The following GTF2F2 variants were observed in gnomAD, a reference collection of about 807,000 sequenced individuals.
The protein encoded by GTF2F2 is general transcription factor IIF subunit 2, also known as ATP-dependent helicase GTF2F2.
Under a neutral mutation model 42.2 loss-of-function variants are expected in GTF2F2, and 23 were observed. The ratio of observed to expected loss-of-function variants is 0.55; its 90% CI spans 0.39 to 0.77. The LOEUF is 0.77. Among genes scored for constraint, GTF2F2 ranks in the 30% least tolerant of loss-of-function variants. The probability of loss-of-function intolerance (pLI) is 0.00; values close to 1 mark genes in which losing one functional copy is unlikely to be tolerated. For missense variants in GTF2F2, 261 were observed against 287.2 expected, an observed-to-expected ratio of 0.91 and a Z score of 0.66; for synonymous variants, 105 against 100.8, an observed-to-expected ratio of 1.04 and a Z score of -0.25.
At chr13:45,273,607 A>G (rs561453703) in intron 7 of GTF2F2, among the ~76,000 whole-genome samples, 2 of 151,348 alleles carry the variant, frequency 1.3e-5, no homozygotes, top group South Asian at 4.2e-4. Flanking sequence ...TACCAATAAA[A>G]TCTCCATACC....
chr13:45,247,488 C>T (rs1206829045), intron 5 of GTF2F2, among the ~76,000 whole-genome samples: 3 of 151,544 alleles, frequency 2.0e-5, no homozygotes, highest in Admixed American at 6.6e-5. Flanking sequence ...CGCCTCCTGG[C>T]TTCAAGCAAT....
At chr13:45,191,255 A>ATATATATATATATATGGC (rs1260872563) in intron 4 of GTF2F2, among the ~76,000 whole-genome samples, 18 of 136,522 alleles carry the variant, frequency 1.3e-4, no homozygotes, top group Middle Eastern at 3.6e-3. Flanking sequence ...ATATATATAT[A>ATATATATATATATATGGC]GCCATAATCT....
chr13:45,209,244 G>A (rs966434844), intron 5 of GTF2F2, among the ~76,000 whole-genome samples: 4 of 152,136 alleles, frequency 2.6e-5, no homozygotes, highest in African/African-American at 9.7e-5. Context: ...TTGCTTTTCT[G>A]TGTTTAGATA....
chr13:45,158,076 A>G (rs1048889675), intron 4 of GTF2F2, among the ~76,000 whole-genome samples: 8 of 152,192 alleles, frequency 5.3e-5, no homozygotes, highest in Non-Finnish European at 1.2e-4. Flanking sequence ...GGAATCACAT[A>G]TACACATTTC....
intron 5 of GTF2F2, among the ~76,000 whole-genome samples, chr13:45,234,870 AC>A (rs1177281116): frequency 6.6e-6 from 1 of 151,858 alleles, no homozygotes; most frequent in African/African-American, 2.4e-5. Flanking sequence ...ACATGGAGCA[AC>A]CCCGTCTCTA....
chr13:45,120,808 T>G, intron 1 of GTF2F2, 87 bp downstream of exon 1: 1 of 944,336 alleles, frequency 1.1e-6, no homozygotes, highest in East Asian at 2.7e-5. Flanking sequence ...GTGCGCCTCT[T>G]AAAGTTCTTT....
At chr13:45,137,839 CTTAT>C (rs10541192) in intron 2 of GTF2F2, among the ~76,000 whole-genome samples, 62,331 of 151,542 alleles carry the variant, frequency 0.41, 17,444 homozygotes, top group African/African-American at 0.8. Flanking sequence ...ACTTGTGTTC[CTTAT>C]TTATTTATTT....
chr13:45,239,869 A>G (rs1875190243), intron 5 of GTF2F2, among the ~76,000 whole-genome samples: 1 of 152,188 alleles, frequency 6.6e-6, no homozygotes, highest in Admixed American at 6.5e-5. Flanking sequence ...GGTGATGAAC[A>G]CAAAACAAGG....
At chr13:45,125,521 T>C (rs1356073484) in intron 1 of GTF2F2, among the ~76,000 whole-genome samples, 1 of 152,124 alleles carries the variant, frequency 6.6e-6, no homozygotes, top group African/African-American at 2.4e-5. Context: ...GGTTTCACTG[T>C]GTTGGCCAGG....
chr13:45,122,309 G>T (rs1206927022), intron 1 of GTF2F2, among the ~76,000 whole-genome samples: 7 of 152,094 alleles, frequency 4.6e-5, no homozygotes, highest in Non-Finnish European at 1.0e-4. Context: ...ACGAATTAGA[G>T]GGGAGGGTAA....
chr13:45,194,696 T>C (rs1256816222), intron 4 of GTF2F2: 8 of 823,348 alleles, frequency 9.7e-6, no homozygotes, highest in Non-Finnish European at 1.6e-5. Flanking sequence ...CAGCATCGCC[T>C]GCGCTGTCAG....
At chr13:45,206,308 C>T (rs1413428402) in intron 4 of GTF2F2, 1 of 152,170 alleles carries the variant, frequency 6.6e-6, no homozygotes, top group African/African-American at 2.4e-5. Context: ...AATATGTAGG[C>T]ATGGTTCTAT....
intron 5 of GTF2F2, among the ~76,000 whole-genome samples, chr13:45,229,033 C>T (rs527589414): frequency 8.5e-4 from 129 of 152,164 alleles, no homozygotes; most frequent in Non-Finnish European, 1.4e-3. Context: ...AGGTGCCTGC[C>T]ACCACATCCG....
chr13:45,232,475 T>A (rs1012311403), intron 5 of GTF2F2, among the ~76,000 whole-genome samples: 1 of 151,132 alleles, frequency 6.6e-6, no homozygotes, highest in African/African-American at 2.5e-5. Flanking sequence ...AAAAATAAAA[T>A]TTTTTTTAAA....
intron 4 of GTF2F2, among the ~76,000 whole-genome samples, chr13:45,165,575 C>G (rs968422840): frequency 6.7e-6 from 1 of 149,620 alleles, no homozygotes; most frequent in African/African-American, 2.5e-5. Context: ...TCGCCCCCCC[C>G]CGCCGCCCGC....
intron 5 of GTF2F2, among the ~76,000 whole-genome samples, chr13:45,232,372 ATC>A (rs1874727558): frequency 6.6e-6 from 1 of 152,176 alleles, no homozygotes; most frequent in Admixed American, 6.5e-5. Context: ...TATGCCTATA[ATC>A]TCAGCACTTT....
At chr13:45,133,076 A>C (rs1292907825) in intron 1 of GTF2F2, among the ~76,000 whole-genome samples, 1 of 152,214 alleles carries the variant, frequency 6.6e-6, no homozygotes, top group African/African-American at 2.4e-5. Flanking sequence ...TTATAAATTA[A>C]TAAAGAGAAG....
chr13:45,124,243 C>T (rs534148328), intron 1 of GTF2F2: 76 of 293,224 alleles, frequency 2.6e-4, no homozygotes, highest in Non-Finnish European at 3.6e-4. Context: ...CTACCACGCC[C>T]GGCTAATTTT....
At chr13:45,175,909 C>T (rs1008991345) in intron 4 of GTF2F2, among the ~76,000 whole-genome samples, 7 of 152,226 alleles carry the variant, frequency 4.6e-5, no homozygotes, top group African/African-American at 1.7e-4. Context: ...AGGCATGAGC[C>T]ACTGCACCTG....
Sources: allele counts gnomAD v4.1 joint callset (sites outside exome capture counted in the v4.1 genomes callset), GRCh38; gene constraint gnomAD v4.1.1; transcripts MANE v1.5; gene names NCBI Gene and HGNC (gene_info 2026-07-23, HGNC 2026-07-21).